Variants in ZNF148 observed in about 807,000 individuals in gnomAD.
The protein encoded by ZNF148 is zinc finger protein 148.
A neutral mutation model predicts 67.7 loss-of-function variants in ZNF148; 7 were observed. The ratio of observed to expected loss-of-function variants is 0.10; its 90% CI spans 0.06 to 0.19. The LOEUF (loss-of-function observed/expected upper bound fraction) is 0.19, where lower values mean the gene tolerates loss of function less well. ZNF148 is among the 10% of genes least tolerant of loss of function. The pLI is 1.00. For synonymous variants in ZNF148, 333 were observed against 330.7 expected (o/e 1.01, Z -0.08); for missense variants, 583 against 947.1 (o/e 0.62, Z 5.05).
chr3:125,323,426 C>A lies in ZNF148; in HGVS notation c.-134G>T. On this transcript the variant is annotated 5_prime_UTR_variant, in exon 3 of 9. Transcript: ENST00000360647. ...CAGAAATCCTCAATACCACCTTAAT[C>A]ACTTATGCCATCCGATTCCTACAAT... 1.5e-6 allele frequency: 1 copy of A among 685,710 alleles called. No individual in the cohort carries two copies. Among genetic ancestry groups the A allele is most frequent in the African/African-American group, 1.8e-5 (1 of 56,482 alleles). The allele number at this position is 685,710 out of a possible 1,614,324, so 42.5% of individuals were successfully genotyped here. A position where few individuals can be genotyped will look rare whatever the true frequency, so the allele number is the denominator to read the frequency against.
At chr3:125,273,810 T>G (rs985077554) in intron 7 of ZNF148, among the ~76,000 whole-genome samples, 1 of 152,036 alleles carries the variant, frequency 6.6e-6, no homozygotes, top group Non-Finnish European at 1.5e-5. Context: ...AACTTCCCTA[T>G]AGAAATAGCT....
chr3:125,233,992 AAAAG>A lies in ZNF148; in HGVS notation c.787-57_787-54del. 4 of 1,523,442 alleles carry A rather than the reference AAAAG, an allele frequency of 2.6e-6. No individual in the cohort carries two copies. Among genetic ancestry groups the A allele is most frequent in the Non-Finnish European group, 3.5e-6 (4 of 1,144,908 alleles). The allele number at this position is 1,523,442 out of a possible 1,614,324, so 94.4% of individuals were successfully genotyped here. A position where few individuals can be genotyped will look rare whatever the true frequency, so the allele number is the denominator to read the frequency against. The stretch of plus-strand genomic sequence containing the variant: ...TTGTTTGTGGTTTTGGTCAACCAAG[AAAAG>A]AAAAAGTGAAACAAAACAATTAATA... On this transcript the variant is annotated intron_variant, in intron 8 of 8. Coordinates refer to ENST00000360647, the MANE Select transcript of ZNF148 (RefSeq NM_021964.3). The surrounding 1 kb of genome is among the most constrained non-coding windows in gnomAD (Gnocchi z 5.1).
rs1939040572 is a variant in ZNF148, at chr3:125,291,973, A to G, written c.334-3745T>C. On this transcript the variant is annotated intron_variant, in intron 4 of 8. Transcript: ENST00000360647. ...GGAAAGGTATAACACAATTAACTGT[A>G]CTGTAAACGTACTGTCTAACGAATG... Among the ~76,000 whole-genome samples the G allele has an allele frequency of 3.9e-5, 6 of 152,324 alleles. No individual in the cohort carries two copies. In the South Asian group the frequency reaches 1.2e-3, roughly 32 times the overall value.
Position 125,234,232 on chromosome 3 carries a change from G to A in ZNF148, c.765C>T (p.Tyr255=). 1 of 1,609,528 alleles carries A rather than the reference G, an allele frequency of 6.2e-7. No individual in the cohort carries two copies. The highest frequency in any genetic ancestry group is 8.5e-7 in the Non-Finnish European group (1 of 1,176,882). Residue 255 remains tyrosine, a synonymous_variant, in exon 8 of 9, where the codon TAC becomes TAT. Transcript: ENST00000360647. ...HKRTHSGEKP[Y]QCEYCLQYFS... is the part of the protein sequence containing the mutation. ...TTACCTGTAAACAGTATTCACACTG[G>A]TAAGGTTTTTCTCCACTATGAGTTC...
chr3:125,279,057 C>A, intron 6 of ZNF148, 67 bp downstream of exon 6: 3 of 1,459,868 alleles, frequency 2.1e-6, no homozygotes, highest in Non-Finnish European at 2.8e-6. Context: ...ATGACAGTTA[C>A]ACGAAGATGA....
intron 7 of ZNF148, among the ~76,000 whole-genome samples, chr3:125,264,284 T>C (rs1185440628): frequency 3.3e-5 from 5 of 152,248 alleles, no homozygotes; most frequent in South Asian, 2.1e-4. Context: ...AAACTTGTGA[T>C]TGGCATCCGA....
intron 6 of ZNF148, among the ~76,000 whole-genome samples, chr3:125,278,315 G>A (rs954386265): frequency 6.6e-6 from 1 of 151,946 alleles, no homozygotes; most frequent in African/African-American, 2.4e-5. Flanking sequence ...TTCCTTTTAA[G>A]GAAAGTATTC....
At chr3:125,338,828 C>A (rs1941603665) in intron 1 of ZNF148, 1 of 152,176 alleles carries the variant, frequency 6.6e-6, no homozygotes, top group South Asian at 2.1e-4. Context: ...TCACCTTATT[C>A]AATGCCAGAA....
chr3:125,290,464 G>A (rs974351389), intron 4 of ZNF148, among the ~76,000 whole-genome samples: 3 of 151,742 alleles, frequency 2.0e-5, no homozygotes, highest in Admixed American at 1.3e-4. Context: ...GCTTTATCAA[G>A]ACTTATTTCT....
chr3:125,338,139 A>C (rs917971886), intron 1 of ZNF148, among the ~76,000 whole-genome samples: 1 of 151,986 alleles, frequency 6.6e-6, no homozygotes, highest in Non-Finnish European at 1.5e-5. Flanking sequence ...CAGATCCTCC[A>C]CCTCCTAATA....
chr3:125,243,746 G>C (rs993333364), intron 7 of ZNF148, among the ~76,000 whole-genome samples: 1 of 151,978 alleles, frequency 6.6e-6, no homozygotes, highest in Non-Finnish European at 1.5e-5. Flanking sequence ...GACTGGTCTC[G>C]AATTCCTGGC....
chr3:125,277,802 T>C lies in ZNF148; in HGVS notation c.591A>G (p.Lys197=). 1 of 1,607,426 alleles carries C rather than the reference T, an allele frequency of 6.2e-7. No homozygotes were observed. The change falls in exon 7 of 9, where the codon AAA becomes AAG. Residue 197 remains lysine (K), a synonymous_variant. Coordinates refer to ENST00000360647, the MANE Select transcript of ZNF148 (RefSeq NM_021964.3). ...TGTCACATTGACTACATTGAAATGG[T>C]TTTTCACCTTAAAATAATTTCACAT... is the stretch of plus-strand genomic sequence containing the variant. ...QRHVFIHTGE[K]PFQCSQCDMR... is the part of the protein sequence containing the mutation.
At chr3:125,290,934 C>T (rs1423600701) in intron 4 of ZNF148, among the ~76,000 whole-genome samples, 1 of 152,028 alleles carries the variant, frequency 6.6e-6, no homozygotes, top group Admixed American at 6.6e-5. Context: ...ACATATATCC[C>T]CCCTTTTAAC....
At chr3:125,361,531 C>T (rs1256664274) in intron 1 of ZNF148, among the ~76,000 whole-genome samples, 2 of 152,070 alleles carry the variant, frequency 1.3e-5, no homozygotes, top group Non-Finnish European at 2.9e-5. Context: ...AAAACAGAGC[C>T]ATCAACTGAA....
intron 5 of ZNF148, among the ~76,000 whole-genome samples, chr3:125,285,571 A>G (rs889368148): frequency 6.6e-6 from 1 of 151,980 alleles, no homozygotes; most frequent in African/African-American, 2.4e-5. Context: ...AAAAAAAAAC[A>G]AAACCAGAGA....
chr3:125,241,188 A>G (rs1042918330), intron 7 of ZNF148, among the ~76,000 whole-genome samples: 6 of 152,202 alleles, frequency 3.9e-5, no homozygotes, highest in Non-Finnish European at 7.3e-5. Flanking sequence ...AGAGTTAAAA[A>G]AAAATCAAAA....
chr3:125,257,309 T>TG (rs1335851637), intron 7 of ZNF148, among the ~76,000 whole-genome samples: 6 of 152,194 alleles, frequency 3.9e-5, no homozygotes, highest in Admixed American at 3.9e-4. Flanking sequence ...CCCAGCACTT[T>TG]GGGAGGCCAA....
intron 1 of ZNF148, among the ~76,000 whole-genome samples, chr3:125,348,148 AC>A (rs1235430777): frequency 4.3e-4 from 65 of 151,940 alleles, no homozygotes; most frequent in Admixed American, 3.1e-3. Flanking sequence ...AGTCCCAGCT[AC>A]TCGGGAGGCT....
chr3:125,362,993 T>A (rs1031316994), intron 1 of ZNF148, among the ~76,000 whole-genome samples: 5 of 152,124 alleles, frequency 3.3e-5, no homozygotes, highest in Non-Finnish European at 7.3e-5. Context: ...ATTGTGGATA[T>A]TTTCCCAAGG....
Sources: gnomAD v4.1 joint callset for allele counts (sites outside exome capture counted in the v4.1 genomes callset) on GRCh38, gnomAD v4.1.1 for gene constraint, Gnocchi (gnomAD v3.1) non-coding constraint, MANE v1.5 for transcripts, NCBI Gene and HGNC (gene_info 2026-07-23, HGNC 2026-07-21) for gene names.